Variants in RHOU observed in about 807,000 individuals in gnomAD.
RHOU encodes rho-related GTP-binding protein RhoU.
RHOU carries 8 observed loss-of-function variants against 12.6 expected under a neutral mutation model. The ratio of observed to expected loss-of-function variants is 0.64; its 90% CI spans 0.37 to 1.15. RHOU has a LOEUF of 1.15. Ranked by LOEUF, RHOU falls within the 50% of genes most tolerant of loss-of-function variation. The pLI is 0.01. For missense variants in RHOU, 258 were observed against 347.0 expected, an observed-to-expected ratio of 0.74 and a Z score of 2.04; for synonymous variants, 161 against 147.4, an observed-to-expected ratio of 1.09 and a Z score of -0.67.
the RHOU span, among the ~76,000 whole-genome samples, chr1:228,720,453 T>C: frequency 6.6e-6 from 1 of 152,180 alleles, no homozygotes; most frequent in African/African-American, 2.4e-5. Context: ...AATGTGACTT[T>C]ATTTGGAAAC....
chr1:228,650,500 C>T, the RHOU span: 5 of 456,584 alleles, frequency 1.1e-5, no homozygotes, highest in East Asian at 6.9e-5. Flanking sequence ...CGTGATGGTG[C>T]TGAACTAGGG....
At chr1:228,717,144 A>G in the RHOU span, among the ~76,000 whole-genome samples, 1 of 152,200 alleles carries the variant, frequency 6.6e-6, no homozygotes, top group African/African-American at 2.4e-5. Context: ...CCACTGAAAC[A>G]AAAGCATTTC....
At chr1:228,647,671 C>G in the RHOU span, among the ~76,000 whole-genome samples, 3 of 152,174 alleles carry the variant, frequency 2.0e-5, 1 homozygote, top group East Asian at 1.9e-4. Flanking sequence ...GCAGGGAATC[C>G]TGGCCTGCAC....
intron 2 of RHOU, among the ~76,000 whole-genome samples, chr1:228,739,820 C>T (rs12078883): frequency 0.38 from 57,225 of 152,176 alleles, 11,976 homozygotes; most frequent in African/African-American, 0.58. Flanking sequence ...GCTGGGGTTT[C>T]ATGCCCAGTG....
chr1:228,661,627 T>G, the RHOU span, among the ~76,000 whole-genome samples: 3 of 152,348 alleles, frequency 2.0e-5, no homozygotes, highest in East Asian at 1.9e-4. Flanking sequence ...GCTAGCCATA[T>G]GTAGAAAGCT....
At chr1:228,674,694 TC>T in the RHOU span, among the ~76,000 whole-genome samples, 1 of 151,634 alleles carries the variant, frequency 6.6e-6, no homozygotes, top group Admixed American at 6.6e-5. Context: ...TACCACAAGG[TC>T]ATGACTGTAT....
Position 228,737,105 on chromosome 1 carries a change from G to A in RHOU, c.263-568G>A, listed in dbSNP as rs971035564. 6.6e-6 allele frequency among the ~76,000 whole-genome samples: 1 copy of A among 152,182 alleles called. No homozygotes were observed. Among genetic ancestry groups the A allele is most frequent in the Non-Finnish European group, 1.5e-5 (1 of 68,034 alleles). ...GTCCCCGGATCCCAGTGGAAAGGGG[G>A]CCATGGCTTTCTTTTTTCTTTTTTA... On this transcript the variant is annotated intron_variant, in intron 1 of 2. Coordinates refer to ENST00000366691, the MANE Select transcript of RHOU (RefSeq NM_021205.6). The surrounding 1 kb of genome is among the most constrained non-coding windows in gnomAD (Gnocchi z 4.1).
chr1:228,695,706 T>C, the RHOU span, among the ~76,000 whole-genome samples: 1 of 152,202 alleles, frequency 6.6e-6, no homozygotes, highest in Non-Finnish European at 1.5e-5. Context: ...AGAGCTTTCA[T>C]GCATTTCCAG....
the RHOU span, among the ~76,000 whole-genome samples, chr1:228,725,083 G>T: frequency 1.2e-4 from 18 of 152,146 alleles, no homozygotes; most frequent in African/African-American, 4.3e-4. Context: ...AAAAGGAAAA[G>T]AAAATTGGTA....
Position 228,737,010 on chromosome 1 carries a change from A to G in RHOU, c.263-663A>G, listed in dbSNP as rs1011200290. 4.0e-5 allele frequency among the ~76,000 whole-genome samples: 6 copies of G among 149,842 alleles called. No individual in the cohort carries two copies. The highest frequency in any genetic ancestry group is 1.3e-4 in the Admixed American group (2 of 14,952). On this transcript the variant is annotated intron_variant, in intron 1 of 2. Coordinates refer to ENST00000366691, the MANE Select transcript of RHOU (RefSeq NM_021205.6). This position sits in a 1 kb window ranked among gnomAD's most constrained non-coding sequence, Gnocchi z 4.1. ...TTAGAAAGTTGTGTAGAAAGAGACA[A>G]AACTGACTGCTTAATTAAAATAGAA...
chr1:228,717,555 C>G, the RHOU span, among the ~76,000 whole-genome samples: 2 of 152,298 alleles, frequency 1.3e-5, no homozygotes, highest in East Asian at 3.9e-4. Flanking sequence ...GAGGAGAAAG[C>G]CATATTTATC....
chr1:228,690,840 A>G, the RHOU span, among the ~76,000 whole-genome samples: 1 of 148,302 alleles, frequency 6.7e-6, no homozygotes, highest in East Asian at 2.0e-4. Flanking sequence ...CTGGTCTCGA[A>G]CTCTTGACCT....
chr1:228,681,176 A>T, the RHOU span, among the ~76,000 whole-genome samples: 4 of 152,212 alleles, frequency 2.6e-5, no homozygotes, highest in Non-Finnish European at 5.9e-5. Flanking sequence ...GTAGAGAAAA[A>T]GGCACATGTA....
the RHOU span, among the ~76,000 whole-genome samples, chr1:228,713,580 C>T: frequency 6.6e-5 from 10 of 152,166 alleles, no homozygotes; most frequent in Non-Finnish European, 5.9e-5. Context: ...AATCCTCCCA[C>T]CTCGGCCTCC....
intron 2 of RHOU, among the ~76,000 whole-genome samples, chr1:228,741,722 G>T (rs989911198): frequency 4.6e-5 from 7 of 152,074 alleles, no homozygotes; most frequent in African/African-American, 1.4e-4. Context: ...CACCCAGGCT[G>T]GTCTCAAACT....
At chr1:228,656,228 A>G in the RHOU span, among the ~76,000 whole-genome samples, 1 of 152,100 alleles carries the variant, frequency 6.6e-6, no homozygotes, top group Non-Finnish European at 1.5e-5. Context: ...ATCATGGCTC[A>G]TTGCAGCCTT....
the RHOU span, among the ~76,000 whole-genome samples, chr1:228,664,208 G>C: frequency 6.8e-6 from 1 of 147,452 alleles, no homozygotes; most frequent in Non-Finnish European, 1.5e-5. Context: ...TTGTAGAGGC[G>C]AGGTTTCTCC....
upstream of RHOU, among the ~76,000 whole-genome samples, chr1:228,734,381 C>T (rs1323136560): frequency 6.6e-6 from 1 of 152,118 alleles, no homozygotes; most frequent in Non-Finnish European, 1.5e-5. Context: ...TTATTTTTGC[C>T]TCCAGGATTT....
upstream of RHOU, among the ~76,000 whole-genome samples, chr1:228,732,350 T>C (rs1165080708): frequency 6.6e-6 from 1 of 152,172 alleles, no homozygotes; most frequent in Non-Finnish European, 1.5e-5. Context: ...GGAGGGCTTC[T>C]TGTAGCATTA....
Sources: allele counts gnomAD v4.1 joint callset (sites outside exome capture counted in the v4.1 genomes callset), GRCh38; gene constraint gnomAD v4.1.1; non-coding constraint Gnocchi (gnomAD v3.1); transcripts MANE v1.5; gene names NCBI Gene and HGNC (gene_info 2026-07-23, HGNC 2026-07-21).